Variants in SAMMSON observed in about 807,000 individuals in gnomAD.
SAMMSON encodes the protein survival associated mitochondrial melanoma specific oncogenic non-coding RNA.
chr3:70,199,157 TA>T (rs981426529), intron 4 of SAMMSON, among the ~76,000 whole-genome samples: 9 of 152,184 alleles, frequency 5.9e-5, no homozygotes, highest in African/African-American at 2.2e-4. Context: ...CATGCAAGGT[TA>T]AAAGTTTGCT....
chr3:70,121,855 C>T (rs1049563914), intron 4 of SAMMSON, among the ~76,000 whole-genome samples: 3 of 152,080 alleles, frequency 2.0e-5, no homozygotes, highest in African/African-American at 7.3e-5. Flanking sequence ...AGCTTGCATT[C>T]TCCCATTTGA....
Position 70,108,423 on chromosome 3 carries a change from C to CTTTTTTTTTTTTTTTTTTTTTTTTTT in SAMMSON, n.507+36876_507+36877insTTTTTTTTTTTTTTTTTTTTTTTTTT, listed in dbSNP as rs61561713. On this transcript the variant is annotated intron_variant and non_coding_transcript_variant, in intron 4 of 9. Coordinates refer to ENST00000642114, the Ensembl canonical transcript of SAMMSON. ...TAGTGTTTCTCAACTCTTGCGGTTC[C>CTTTTTTTTTTTTTTTTTTTTTTTTTT]TTTTTTTTTTTTTTTTTTATCATAA... Among the ~76,000 whole-genome samples the CTTTTTTTTTTTTTTTTTTTTTTTTTT allele has an allele frequency of 2.0e-4, 18 of 89,350 alleles. 2 individuals are homozygous for CTTTTTTTTTTTTTTTTTTTTTTTTTT. Among genetic ancestry groups the CTTTTTTTTTTTTTTTTTTTTTTTTTT allele is most frequent in the African/African-American group, 2.5e-4 (6 of 24,146 alleles). The allele number at this position is 89,350 out of a possible 152,430, so 58.6% of individuals were successfully genotyped here. A position where few individuals can be genotyped will look rare whatever the true frequency, so the allele number is the denominator to read the frequency against.
At chr3:70,283,635 C>G (rs1330775891) in intron 6 of SAMMSON, 1 of 151,974 alleles carries the variant, frequency 6.6e-6, no homozygotes. Flanking sequence ...TAAAGGGATT[C>G]ATGCTGGGGT....
chr3:70,346,927 C>T (rs140430913), intron 7 of SAMMSON, among the ~76,000 whole-genome samples: 179 of 152,264 alleles, frequency 1.2e-3, no homozygotes, highest in African/African-American at 3.8e-3. Flanking sequence ...TTCTGATATG[C>T]ACAAGCTGAT....
chr3:70,114,349 C>T (rs1245890343), intron 4 of SAMMSON, among the ~76,000 whole-genome samples: 1 of 152,204 alleles, frequency 6.6e-6, no homozygotes, highest in African/African-American at 2.4e-5. Context: ...TTTCTTTTGA[C>T]TTCCGGTAGA....
chr3:70,043,234 C>T (rs1302221857), intron 3 of SAMMSON, among the ~76,000 whole-genome samples: 1 of 152,194 alleles, frequency 6.6e-6, no homozygotes, highest in East Asian at 1.9e-4. Context: ...CGAAAGCATC[C>T]TTGAGAAGGA....
intron 4 of SAMMSON, among the ~76,000 whole-genome samples, chr3:70,166,088 C>T (rs183867119): frequency 1.2e-4 from 18 of 151,986 alleles, no homozygotes; most frequent in Admixed American, 3.3e-4. Context: ...CTAGAAATTT[C>T]GGGGGCAATA....
chr3:70,221,532 G>A (rs1701460056), intron 4 of SAMMSON, among the ~76,000 whole-genome samples: 1 of 152,006 alleles, frequency 6.6e-6, no homozygotes, highest in Admixed American at 6.6e-5. Context: ...ATGAGGCCTG[G>A]TTGAGCCCTC....
chr3:70,012,145 G>A (rs2066958983), intron 1 of SAMMSON, among the ~76,000 whole-genome samples: 1 of 152,078 alleles, frequency 6.6e-6, no homozygotes, highest in Admixed American at 6.6e-5. Context: ...CATGAAGCTT[G>A]AAGTTATTTT....
At chr3:70,375,853 A>T (rs1432589941) in intron 9 of SAMMSON, among the ~76,000 whole-genome samples, 1 of 151,962 alleles carries the variant, frequency 6.6e-6, no homozygotes, top group Non-Finnish European at 1.5e-5. Context: ...CAACAATTTC[A>T]TGTTTTTATT....
At chr3:70,384,667 A>G (rs1703105814) in intron 9 of SAMMSON, among the ~76,000 whole-genome samples, 1 of 152,092 alleles carries the variant, frequency 6.6e-6, no homozygotes, top group Non-Finnish European at 1.5e-5. Context: ...AAAAGACACA[A>G]TATGCTCATC....
intron 7 of SAMMSON, among the ~76,000 whole-genome samples, chr3:70,315,107 GA>G (rs1222662853): frequency 2.6e-5 from 4 of 152,148 alleles, no homozygotes; most frequent in Admixed American, 6.6e-5. Flanking sequence ...CATTAGAATA[GA>G]ATCTCTGTAC....
At chr3:70,180,882 C>T (rs565950029) in intron 4 of SAMMSON, among the ~76,000 whole-genome samples, 21 of 152,070 alleles carry the variant, frequency 1.4e-4, no homozygotes, top group Admixed American at 5.9e-4. Context: ...ATTGAGGTTT[C>T]GGTGGGGAAA....
rs1409487746 is a variant in SAMMSON, at chr3:70,225,914, G to C, written n.508-23193G>C. Among the ~76,000 whole-genome samples, 3 of 152,126 alleles carry C rather than the reference G, an allele frequency of 2.0e-5. No homozygotes were observed. The East Asian group carries it at 5.8e-4, about 29-fold the overall frequency. ...TTAAGAATTATGTTATCAAATCTTT[G>C]TTCCCTCGCCATCTACCAAGTGGTC... is the stretch of plus-strand genomic sequence containing the variant. On this transcript the variant is annotated intron_variant and non_coding_transcript_variant, in intron 4 of 9. Coordinates refer to ENST00000642114, the Ensembl canonical transcript of SAMMSON.
At chr3:70,376,921 TA>T (rs1280888706) in intron 9 of SAMMSON, among the ~76,000 whole-genome samples, 1 of 152,136 alleles carries the variant, frequency 6.6e-6, no homozygotes, top group African/African-American at 2.4e-5. Context: ...TGAATGTCAT[TA>T]AAAATCCTCA....
intron 9 of SAMMSON, among the ~76,000 whole-genome samples, chr3:70,364,183 A>G (rs1702900981): frequency 6.6e-6 from 1 of 151,938 alleles, no homozygotes; most frequent in Non-Finnish European, 1.5e-5. Flanking sequence ...AGTGCCCACT[A>G]GTTGTCCTTT....
At chr3:70,326,792 A>G (rs552187574) in intron 7 of SAMMSON, among the ~76,000 whole-genome samples, 1 of 152,324 alleles carries the variant, frequency 6.6e-6, no homozygotes, top group Non-Finnish European at 1.5e-5. Context: ...CAAGACAGTC[A>G]TGGATAAGGT....
chr3:70,330,767 A>G (rs1045806611), intron 7 of SAMMSON, among the ~76,000 whole-genome samples: 2 of 152,114 alleles, frequency 1.3e-5, no homozygotes, highest in East Asian at 3.9e-4. Flanking sequence ...TTTCAATGTG[A>G]AATTGCCTCA....
intron 9 of SAMMSON, among the ~76,000 whole-genome samples, chr3:70,369,096 T>C (rs1030863883): frequency 1.3e-5 from 2 of 151,638 alleles, no homozygotes; most frequent in Admixed American, 1.3e-4. Flanking sequence ...ATTTTATTTT[T>C]TGGTGCTATT....
Sources: allele counts gnomAD v4.1 joint callset (sites outside exome capture counted in the v4.1 genomes callset), GRCh38; gene constraint gnomAD v4.1.1; transcripts MANE v1.5; gene names NCBI Gene and HGNC (gene_info 2026-07-23, HGNC 2026-07-21).